Variants in CHD8 observed in about 807,000 individuals in gnomAD.
The protein encoded by CHD8 is ATP-dependent chromatin remodeler CHD8.
Under a neutral mutation model 279.2 loss-of-function variants are expected in CHD8, and 31 were observed. The ratio of observed to expected loss-of-function variants is 0.11; its 90% CI spans 0.08 to 0.15. CHD8 has a LOEUF of 0.15. Ranked by LOEUF, CHD8 falls within the 10% of genes least tolerant of loss-of-function variation. The pLI is 1.00. For synonymous variants in CHD8, 1,081 were observed against 1,139.6 expected (o/e 0.95, Z 1.04); for missense variants, 2,146 against 3,230.5 (o/e 0.66, Z 8.14).
chr14:21,448,318 C>T (rs1435218452), intron 1 of CHD8, among the ~76,000 whole-genome samples: 1 of 152,172 alleles, frequency 6.6e-6, no homozygotes, highest in African/African-American at 2.4e-5. Flanking sequence ...GCAAGACTGA[C>T]CAAGTCATTT....
Position 21,400,252 on chromosome 14 carries a change from G to A in CHD8, c.4626C>T (p.Ser1542=), listed in dbSNP as rs753177383. Residue 1542 remains serine (S), a synonymous_variant, in exon 24 of 38, where the codon AGC becomes AGT. Coordinates refer to ENST00000646647, the MANE Select transcript of CHD8 (RefSeq NM_001170629.2). The surrounding 1 kb of genome is among the most constrained non-coding windows in gnomAD (Gnocchi z 4.2). ...AATCTGCCTTATGGATATCAAAAGTGCTTTGTGACTTTACTTTTTTTCCTT... is the reference window on the plus strand; with the variant it reads ...AATCTGCCTTATGGATATCAAAAGTACTTTGTGACTTTACTTTTTTTCCTT... ...GRKGKKVKSQ[S]TFDIHKADWI... is the part of the protein sequence containing the mutation. The A allele has an allele frequency of 6.2e-7, 1 of 1,613,934 alleles. No homozygotes were observed. Among genetic ancestry groups the A allele is most frequent in the Non-Finnish European group, 8.5e-7 (1 of 1,179,876 alleles).
Position 21,428,950 on chromosome 14 carries a change from T to C in CHD8, c.1215+14A>G, listed in dbSNP as rs368399589. 3 of 1,613,660 alleles carry C rather than the reference T, an allele frequency of 1.9e-6. No individual in the cohort carries two copies. The highest frequency in any genetic ancestry group is 2.7e-5 in the African/African-American group (2 of 74,928). ...TTTGTTTTCTTTCTTTTCCTTACTA[T>C]GTAAGTCTCTCACCTGTGGCTGCAG... On this transcript the variant is annotated intron_variant, in intron 3 of 37. Transcript: ENST00000646647.
rs542639122 is a variant in CHD8 at position 21,423,498 on chromosome 14, G to T, written c.1716+2630C>A. Among the ~76,000 whole-genome samples, 5 of 152,176 alleles carry T rather than the reference G, an allele frequency of 3.3e-5. No individual in the cohort carries two copies. The East Asian group carries it at 9.7e-4, about 29-fold the overall frequency. ...CCCCCTCTCAACACAGTTGCATGGGGGATTTAGCTTCCTATCCATGAACTT... is the reference window on the plus strand; with the variant it reads ...CCCCCTCTCAACACAGTTGCATGGGTGATTTAGCTTCCTATCCATGAACTT... On this transcript the variant is annotated intron_variant, in intron 5 of 37. Coordinates refer to ENST00000646647, the MANE Select transcript of CHD8 (RefSeq NM_001170629.2).
rs2139531660 is a variant in CHD8, at chr14:21,428,053, G to A, written c.1417C>T (p.Arg473Cys). Reference sequence around the variant, plus strand: ...GGTATGTTCTGCTCACCGCGGGCACGGGCTCTCGCAATGGCCTCTGCTACA... The same window carrying A: ...GGTATGTTCTGCTCACCGCGGGCACAGGCTCTCGCAATGGCCTCTGCTACA... ...RIVAEAIARA[R>C]ARGEQNIPRV... The change falls in exon 4 of 38, where the codon CGT (arginine) becomes TGT (cysteine). Residue 473 changes from arginine to cysteine, a missense_variant. By Grantham distance (180) the Arg-to-Cys change is radical (BLOSUM62 -3). This residue lies in a region of CHD8 where 14 missense variants were observed against 42.4 expected (regional missense o/e 0.33). Transcript: ENST00000646647. 1 of 1,614,022 alleles carries A rather than the reference G, an allele frequency of 6.2e-7. No homozygotes were observed. Among genetic ancestry groups the A allele is most frequent in the Non-Finnish European group, 8.5e-7 (1 of 1,179,898 alleles).
Position 21,402,690 on chromosome 14 carries a change from A to G in CHD8, c.3715-187T>C, listed in dbSNP as rs181842281. Among the ~76,000 whole-genome samples, 2 of 152,198 alleles carry G rather than the reference A, an allele frequency of 1.3e-5. No homozygotes were observed. Among genetic ancestry groups the G allele is most frequent in the African/African-American group, 4.8e-5 (2 of 41,450 alleles). ...TGTAGACCAGGGGTCAGCAAACTAA[A>G]GTCTGTGTGGACATCTGTTTTTAAA... On this transcript the variant is annotated intron_variant, in intron 18 of 37. Transcript: ENST00000646647. The surrounding 1 kb of genome is among the most constrained non-coding windows in gnomAD (Gnocchi z 4.5).
chr14:21,400,320 A>G lies in CHD8; in HGVS notation c.4571-13T>C. 6.2e-7 allele frequency: 1 copy of G among 1,613,466 alleles called. No individual in the cohort carries two copies. The highest frequency in any genetic ancestry group is 8.5e-7 in the Non-Finnish European group (1 of 1,179,734). ...GGGATAGATAGACCTGGGAAAGGGG[A>G]GACATCAAAGACTTGGATTGAGAAA... is the stretch of plus-strand genomic sequence containing the variant. On this transcript the variant is annotated splice_polypyrimidine_tract_variant and intron_variant, in intron 23 of 37. Coordinates refer to ENST00000646647, the MANE Select transcript of CHD8 (RefSeq NM_001170629.2). This position sits in a 1 kb window ranked among gnomAD's most constrained non-coding sequence, Gnocchi z 4.2.
At chr14:21,410,046 A>C (rs1379895251) in intron 10 of CHD8, 58 bp from the exon 11 acceptor site, 1 of 1,482,634 alleles carries the variant, frequency 6.7e-7, no homozygotes, top group African/African-American at 1.4e-5. Context: ...TGCTCCAGTT[A>C]AAGAATAAAA....
At chr14:21,419,388 G>A (rs1367335413) in intron 5 of CHD8, among the ~76,000 whole-genome samples, 1 of 152,002 alleles carries the variant, frequency 6.6e-6, no homozygotes, top group East Asian at 1.9e-4. Context: ...GTGAAACCCC[G>A]TCTCTACTAA....
intron 1 of CHD8, among the ~76,000 whole-genome samples, chr14:21,447,836 G>A (rs1471103242): frequency 2.0e-5 from 3 of 151,936 alleles, no homozygotes; most frequent in Non-Finnish European, 4.4e-5. Flanking sequence ...ATTAGACTTA[G>A]GTCAAGTTTG....
Position 21,386,047 on chromosome 14 carries a change from T to G in CHD8, c.7312A>C (p.Thr2438Pro). ...GTGTTATGCAGAGATAGAGACCCAG[T>G]GCTTCCACCCTGCATGAGGGCCATC... ...KMMALMQGGSTGSLSLHNTFQ... is the reference protein window; with the variant it reads ...KMMALMQGGSPGSLSLHNTFQ... Residue 2438 changes from threonine to proline, a missense_variant, in exon 38 of 38, where the codon ACT becomes CCT. Thr to Pro is a conservative substitution (Grantham distance 38, BLOSUM62 -1). Transcript: ENST00000646647. 8 of 1,594,374 alleles carry G rather than the reference T, an allele frequency of 5.0e-6. No homozygotes were observed. Among genetic ancestry groups the G allele is most frequent in the Non-Finnish European group, 6.0e-6 (7 of 1,170,164 alleles).
At chr14:21,440,683 T>A (rs61973189) in intron 1 of CHD8, among the ~76,000 whole-genome samples, 3,765 of 152,218 alleles carry the variant, frequency 0.025, 52 homozygotes, top group African/African-American at 0.033. Flanking sequence ...TCAGCCTTGC[T>A]AAAGTGTAAA....
rs751773278 is a variant in CHD8, at chr14:21,394,954, G to A, written c.5348C>T (p.Ala1783Val). The A allele has an allele frequency of 3.7e-6, 6 of 1,613,966 alleles. No homozygotes were observed. The highest frequency in any genetic ancestry group is 2.2e-5 in the East Asian group (1 of 44,878). ...CCGTGCAATTTCTTTCAGCTTGAAGGCTGCTTCACAACGCCGCCTTCGCCG... is the reference window on the plus strand; with the variant it reads ...CCGTGCAATTTCTTTCAGCTTGAAGACTGCTTCACAACGCCGCCTTCGCCG... ...GDRRRRRCEA[A>V]FKLKEIARRE... Residue 1783 changes from alanine (A) to valine (V), a missense_variant, in exon 30 of 38, where the codon GCC (alanine) becomes GTC (valine). Transcript: ENST00000646647.
intron 1 of CHD8, among the ~76,000 whole-genome samples, chr14:21,449,043 G>A (rs955033033): frequency 1.1e-4 from 16 of 152,002 alleles, no homozygotes; most frequent in Admixed American, 1.3e-4. Context: ...GCGTGGTGGC[G>A]GGCGCCTGTA....
intron 35 of CHD8, 45 bp from the exon 36 acceptor site, chr14:21,391,687 G>GGGGA (rs752374420): frequency 1.2e-5 from 18 of 1,539,046 alleles, no homozygotes; most frequent in Non-Finnish European, 1.5e-5. Flanking sequence ...CTCTTCTTTG[G>GGGGA]GGGAGGGAGG....
chr14:21,413,520 G>A (rs950501877), intron 9 of CHD8, among the ~76,000 whole-genome samples: 5 of 150,868 alleles, frequency 3.3e-5, no homozygotes, highest in Non-Finnish European at 4.4e-5. Context: ...TCAGCCTCCC[G>A]AGTAGCTGGG....
intron 1 of CHD8, among the ~76,000 whole-genome samples, chr14:21,452,102 A>G (rs1219859266): frequency 1.3e-5 from 2 of 152,130 alleles, no homozygotes; most frequent in Non-Finnish European, 2.9e-5. Context: ...GTGCAGTGGC[A>G]CGATCTAGGC....
intron 28 of CHD8, 83 bp from the exon 29 acceptor site, chr14:21,395,435 G>T: frequency 1.1e-6 from 1 of 928,024 alleles, no homozygotes. Flanking sequence ...TTTCTTGTGT[G>T]TGTCCTTCTA....
At chr14:21,451,539 T>G (rs896327731) in intron 1 of CHD8, among the ~76,000 whole-genome samples, 4 of 115,262 alleles carry the variant, frequency 3.5e-5, no homozygotes, top group African/African-American at 1.4e-4. Context: ...TCCATTGTAC[T>G]CCAGCCTGGG....
At chr14:21,418,773 G>A (rs931838024) in intron 5 of CHD8, among the ~76,000 whole-genome samples, 10 of 152,342 alleles carry the variant, frequency 6.6e-5, no homozygotes, top group African/African-American at 1.9e-4. Context: ...CGGAGATCGC[G>A]CCACTGCACT....
Sources: allele counts gnomAD v4.1 joint callset (sites outside exome capture counted in the v4.1 genomes callset), GRCh38; gene constraint gnomAD v4.1.1; regional missense constraint gnomAD v4.1.1; non-coding constraint Gnocchi (gnomAD v3.1); transcripts MANE v1.5; gene names NCBI Gene and HGNC (gene_info 2026-07-23, HGNC 2026-07-21).